INPP4B: variants seen among roughly 807,000 people sequenced by gnomAD.
The protein encoded by INPP4B is inositol polyphosphate-4-phosphatase type II B, also known as inositol polyphosphate 4-phosphatase type II.
A neutral mutation model predicts 122.5 loss-of-function variants in INPP4B; 55 were observed. The observed-to-expected ratio is 0.45, with a 90% CI of 0.36 to 0.56. The LOEUF (loss-of-function observed/expected upper bound fraction) is 0.56. INPP4B is among the 20% of genes least tolerant of loss of function. The pLI is 0.00. For synonymous variants in INPP4B, 403 were observed against 388.7 expected (o/e 1.04, Z -0.43); for missense variants, 1,000 against 1,097.7 (o/e 0.91, Z 1.26).
chr4:142,769,358 G>A (rs889880620), intron 1 of INPP4B, among the ~76,000 whole-genome samples: 1 of 152,134 alleles, frequency 6.6e-6, no homozygotes, highest in Non-Finnish European at 1.5e-5. Flanking sequence ...GCTCTGCAAG[G>A]CACTTTGCAG....
intron 15 of INPP4B, among the ~76,000 whole-genome samples, chr4:142,178,397 C>G (rs975885622): frequency 1.3e-5 from 2 of 152,160 alleles, no homozygotes; most frequent in African/African-American, 4.8e-5. Context: ...ATAATACTCT[C>G]AGATATTGAA....
chr4:142,675,440 T>C (rs986189834), intron 2 of INPP4B, among the ~76,000 whole-genome samples: 3 of 152,178 alleles, frequency 2.0e-5, no homozygotes, highest in Admixed American at 1.3e-4. Flanking sequence ...GCTGGTACCA[T>C]TCCTTCTGAA....
chr4:142,096,896 CATGGAATTTAGTCT>C (rs1231057291), intron 23 of INPP4B, among the ~76,000 whole-genome samples: 1 of 152,080 alleles, frequency 6.6e-6, no homozygotes, highest in Non-Finnish European at 1.5e-5. Context: ...AGTCAGAGAA[CATGGAATTTAGTCT>C]CTCTTCTCCT....
chr4:142,569,426 T>C (rs1732344054), intron 2 of INPP4B, among the ~76,000 whole-genome samples: 2 of 149,936 alleles, frequency 1.3e-5, no homozygotes, highest in South Asian at 2.1e-4. Context: ...GCCAAGTCTG[T>C]TCTAAGTGTT....
At chr4:142,142,092 T>C (rs1395552340) in intron 18 of INPP4B, among the ~76,000 whole-genome samples, 1 of 152,102 alleles carries the variant, frequency 6.6e-6, no homozygotes. Context: ...TCAGTATTTA[T>C]CATATCATAC....
chr4:142,119,831 A>G (rs10003598), intron 21 of INPP4B, among the ~76,000 whole-genome samples: 18,689 of 149,598 alleles, frequency 0.12, 1,351 homozygotes, highest in East Asian at 0.23. Flanking sequence ...ACACATACAC[A>G]TATATATACA....
Position 142,082,083 on chromosome 4 carries a change from C to A in INPP4B, c.2590G>T (p.Glu864Ter). 1 of 1,492,576 alleles carries A rather than the reference C, an allele frequency of 6.7e-7. No individual in the cohort carries two copies. Among genetic ancestry groups the A allele is most frequent in the South Asian group, 1.4e-5 (1 of 70,832 alleles). 92.5% of individuals were successfully genotyped at this position (1,492,576 alleles called of 1,614,324 possible). The change falls in exon 25 of 26, where the codon GAG becomes TAG. Residue 864 changes from glutamate to a stop codon, truncating the protein, a stop_gained. Transcript: ENST00000262992. LOFTEE classifies it high-confidence loss of function. ...AAGAAGTCCTTGTGTAACTGGTGCT[C>A]ATCTCTCAAGATTGAGCATTGTTCA... ...TLEQCSILRD[E>*]HQLHKDFFIR...
At chr4:142,838,292 G>T (rs933056535) in intron 1 of INPP4B, among the ~76,000 whole-genome samples, 1 of 150,820 alleles carries the variant, frequency 6.6e-6, no homozygotes, top group East Asian at 1.9e-4. Context: ...TGACTCTTTG[G>T]GCTTTTCTCT....
chr4:142,708,890 G>T (rs1444798237), intron 2 of INPP4B, among the ~76,000 whole-genome samples: 1 of 152,098 alleles, frequency 6.6e-6, no homozygotes, highest in Admixed American at 6.5e-5. Context: ...TGCACCGTGT[G>T]CCTAGAAAAG....
rs146726608 is a variant in INPP4B, at chr4:142,239,376, C to G, written c.689-1365G>C. Among the ~76,000 whole-genome samples, 998 of 152,172 alleles carry G rather than the reference C, an allele frequency of 6.6e-3. 10 individuals carry two copies. The highest frequency in any genetic ancestry group is 6.7e-3 in the Admixed American group (103 of 15,272). On this transcript the variant is annotated intron_variant, in intron 11 of 25. Transcript: ENST00000262992. ...GAAGCCAGAAGAAAGTACACTATTT[C>G]TAGCATGTTGAGAGAAAATACTGCA...
chr4:142,073,039 A>G (rs1041757543), intron 25 of INPP4B, among the ~76,000 whole-genome samples: 2 of 152,068 alleles, frequency 1.3e-5, no homozygotes, highest in African/African-American at 2.4e-5. Flanking sequence ...GAGCTGGCCT[A>G]ATTGTTAGAT....
chr4:142,151,767 A>C (rs1814055978), intron 17 of INPP4B, among the ~76,000 whole-genome samples: 1 of 152,194 alleles, frequency 6.6e-6, no homozygotes, highest in Non-Finnish European at 1.5e-5. Flanking sequence ...ATGTCTCATT[A>C]GTCTTCAAAA....
At chr4:142,762,549 T>A (rs191762) in intron 1 of INPP4B, among the ~76,000 whole-genome samples, 1 of 151,884 alleles carries the variant, frequency 6.6e-6, no homozygotes, top group African/African-American at 2.4e-5. Flanking sequence ...ACAAGAAGCA[T>A]TTTTCAGCAA....
At chr4:142,218,356 C>T (rs1489341036) in intron 12 of INPP4B, among the ~76,000 whole-genome samples, 1 of 152,176 alleles carries the variant, frequency 6.6e-6, no homozygotes, top group Non-Finnish European at 1.5e-5. Context: ...CTGAGGCCAA[C>T]ATTCTGTGTG....
At chr4:142,528,463 C>A (rs1827203423) in intron 2 of INPP4B, among the ~76,000 whole-genome samples, 2 of 152,096 alleles carry the variant, frequency 1.3e-5, no homozygotes, top group Admixed American at 6.6e-5. Flanking sequence ...GGAGACCACT[C>A]TCTATTCCTT....
chr4:142,842,055 C>T (rs2151214415), intron 1 of INPP4B, among the ~76,000 whole-genome samples: 1 of 151,712 alleles, frequency 6.6e-6, no homozygotes. Context: ...GCCTTCATTC[C>T]CTTGAATATT....
intron 5 of INPP4B, among the ~76,000 whole-genome samples, chr4:142,413,345 C>A (rs532069094): frequency 9.9e-5 from 15 of 152,032 alleles, no homozygotes; most frequent in Admixed American, 3.9e-4. Flanking sequence ...ATGTTTAAGA[C>A]TGAAAGAAAA....
intron 25 of INPP4B, among the ~76,000 whole-genome samples, chr4:142,081,339 T>C (rs1005581280): frequency 1.3e-5 from 2 of 152,216 alleles, no homozygotes; most frequent in Admixed American, 1.3e-4. Flanking sequence ...TCCTTGCTGA[T>C]AGACACTGTG....
intron 1 of INPP4B, among the ~76,000 whole-genome samples, chr4:142,778,713 G>C (rs1459441936): frequency 6.6e-6 from 1 of 152,040 alleles, no homozygotes. Flanking sequence ...GACAAGGCAA[G>C]CATGCAACTT....
Sources: allele counts gnomAD v4.1 joint callset (sites outside exome capture counted in the v4.1 genomes callset), GRCh38; gene constraint gnomAD v4.1.1; transcripts MANE v1.5; gene names NCBI Gene and HGNC (gene_info 2026-07-23, HGNC 2026-07-21).